Variants in APP observed in about 807,000 individuals in gnomAD.
APP encodes the protein amyloid-beta precursor protein.
APP carries 31 observed loss-of-function variants against 101.4 expected under a neutral mutation model. That is an observed-to-expected ratio of 0.31 (90% CI 0.23 to 0.41). APP has a LOEUF of 0.41. APP is among the 10% of genes least tolerant of loss of function. The pLI, the probability that APP is intolerant of heterozygous loss-of-function variation, is 1.00. For synonymous variants in APP, 366 were observed against 364.4 expected (o/e 1.00, Z -0.05); for missense variants, 839 against 1,003.7 (o/e 0.84, Z 2.22).
intron 16 of APP, among the ~76,000 whole-genome samples, chr21:25,896,707 G>T (rs985095968): frequency 6.6e-6 from 1 of 152,094 alleles, no homozygotes; most frequent in African/African-American, 2.4e-5. Context: ...TCTAACATTA[G>T]GGGGGAAAAG....
At chr21:25,957,184 A>C (rs573766948) in intron 11 of APP, among the ~76,000 whole-genome samples, 1 of 152,350 alleles carries the variant, frequency 6.6e-6, no homozygotes, top group Admixed American at 6.5e-5. Flanking sequence ...CAGCCATCAC[A>C]GCTTGCAACA....
At chr21:26,038,703 G>T (rs1212804321) in intron 5 of APP, among the ~76,000 whole-genome samples, 3 of 152,142 alleles carry the variant, frequency 2.0e-5, no homozygotes, top group African/African-American at 7.2e-5. Context: ...GACGGAGGTT[G>T]CAGTGAGCCG....
intron 3 of APP, among the ~76,000 whole-genome samples, chr21:26,085,733 G>T (rs1397660936): frequency 6.6e-6 from 1 of 152,136 alleles, no homozygotes; most frequent in African/African-American, 2.4e-5. Flanking sequence ...TGCTAAAGAA[G>T]ATAGCTGTAG....
intron 6 of APP, among the ~76,000 whole-genome samples, chr21:26,017,343 T>G (rs1253189621): frequency 6.6e-6 from 1 of 150,766 alleles, no homozygotes; most frequent in Non-Finnish European, 1.5e-5. Flanking sequence ...TCCCGGCTAC[T>G]TGGGAGGCTG....
Position 25,911,777 on chromosome 21 carries a change from C to A in APP, c.1873G>T (p.Gly625Trp). The A allele has an allele frequency of 6.2e-7, 1 of 1,614,118 alleles. No homozygotes were observed. Among genetic ancestry groups the A allele is most frequent in the Non-Finnish European group, 8.5e-7 (1 of 1,180,022 alleles). Residue 625 changes from glycine to tryptophan, a missense_variant, in exon 14 of 18, where the codon GGG (glycine) becomes TGG (tryptophan). Gly to Trp is a radical substitution (Grantham distance 184). Coordinates refer to ENST00000346798, the MANE Select transcript of APP (RefSeq NM_000484.4). ...LDDLQPWHSF[G>W]ADSVPANTEN... is the part of the protein sequence containing the mutation. Reference sequence around the variant, plus strand: ...GTGTTGGCTGGCACAGAGTCAGCCCCAAAAGAATGCCACGGCTGGAGATCG... The same window carrying A: ...GTGTTGGCTGGCACAGAGTCAGCCCAAAAAGAATGCCACGGCTGGAGATCG...
At chr21:26,052,170 A>G (rs1427602014) in intron 4 of APP, among the ~76,000 whole-genome samples, 1 of 152,200 alleles carries the variant, frequency 6.6e-6, no homozygotes, top group Non-Finnish European at 1.5e-5. Flanking sequence ...CTATGATACA[A>G]TGGTTAAGCT....
At chr21:25,914,576 C>T (rs1311095015) in intron 13 of APP, among the ~76,000 whole-genome samples, 59 of 112,748 alleles carry the variant, frequency 5.2e-4, no homozygotes, top group Admixed American at 1.2e-3. Flanking sequence ...TTTTTTGAGA[C>T]GGAGTCTTGC....
At chr21:26,136,197 G>GAAAGAAAGAAAGAAAGA (rs1569018971) in intron 1 of APP, among the ~76,000 whole-genome samples, 1 of 124,160 alleles carries the variant, frequency 8.1e-6, no homozygotes, top group African/African-American at 2.9e-5. Context: ...AAGAAAGAAA[G>GAAAGAAAGAAAGAAAGA]AAAGAAAAGA....
chr21:25,962,565 A>C (rs1415746448), intron 11 of APP, among the ~76,000 whole-genome samples: 1 of 152,210 alleles, frequency 6.6e-6, no homozygotes, highest in Non-Finnish European at 1.5e-5. Context: ...ATTTTCACCG[A>C]AATACTGACA....
chr21:26,048,336 G>A (rs1340049633), intron 5 of APP, among the ~76,000 whole-genome samples: 3 of 151,616 alleles, frequency 2.0e-5, no homozygotes, highest in Admixed American at 6.6e-5. Context: ...AAAAGAAAAC[G>A]AAAAAGTATG....
At chr21:26,022,667 A>G (rs1234267800) in intron 5 of APP, among the ~76,000 whole-genome samples, 1 of 152,174 alleles carries the variant, frequency 6.6e-6, no homozygotes, top group African/African-American at 2.4e-5. Flanking sequence ...AATGTAGTCC[A>G]TTATAAAAAG....
At chr21:26,126,119 A>C (rs1322318219) in intron 1 of APP, among the ~76,000 whole-genome samples, 3 of 152,266 alleles carry the variant, frequency 2.0e-5, no homozygotes, top group Non-Finnish European at 4.4e-5. Flanking sequence ...GTATTTACAT[A>C]AGCACAAAAA....
intron 13 of APP, among the ~76,000 whole-genome samples, chr21:25,926,666 C>T (rs560256067): frequency 3.9e-5 from 6 of 152,300 alleles, no homozygotes; most frequent in African/African-American, 1.4e-4. Context: ...ATTCCTAATG[C>T]AACCTTCTCA....
chr21:26,090,929 G>C (rs2146115645), intron 2 of APP, among the ~76,000 whole-genome samples: 1 of 152,276 alleles, frequency 6.6e-6, no homozygotes, highest in Admixed American at 6.5e-5. Flanking sequence ...CCCTTGCTTT[G>C]ATTACTGTTG....
intron 2 of APP, among the ~76,000 whole-genome samples, chr21:26,101,095 CTTTTTTTT>C (rs35407047): frequency 2.4e-4 from 19 of 79,356 alleles, no homozygotes; most frequent in East Asian, 8.8e-4. Flanking sequence ...TTTTTTTTTC[CTTTTTTTT>C]TTTTTTTTTT....
chr21:25,975,725 G>A lies in APP; in HGVS notation c.1299+229C>T, dbSNP rs151039390. ...ATTATTAATAAAAAGTAGATTGCAA[G>A]TTACAATGTGAGTTTTATGGCAATG... is the stretch of plus-strand genomic sequence containing the variant. On this transcript the variant is annotated intron_variant, in intron 10 of 17. Coordinates refer to ENST00000346798, the MANE Select transcript of APP (RefSeq NM_000484.4). Among the ~76,000 whole-genome samples, 1,597 of 152,302 alleles carry A rather than the reference G, an allele frequency of 0.01. 16 individuals are homozygous for A. The highest frequency in any genetic ancestry group is 0.016 in the Non-Finnish European group (1,121 of 68,010).
Position 25,881,780 on chromosome 21 carries a change from C to G in APP, c.2212-9G>C, listed in dbSNP as rs1568998391. On this transcript the variant is annotated splice_polypyrimidine_tract_variant and intron_variant, in intron 17 of 17. Coordinates refer to ENST00000346798, the MANE Select transcript of APP (RefSeq NM_000484.4). ...GTGACAGCGGCGTCAACCTGAAAAACAAGAGGAGAGCTGAGTAAAAAATAA... is the reference window on the plus strand; with the variant it reads ...GTGACAGCGGCGTCAACCTGAAAAAGAAGAGGAGAGCTGAGTAAAAAATAA... 15 of 1,612,302 alleles carry G rather than the reference C, an allele frequency of 9.3e-6. No individual in the cohort carries two copies. Among genetic ancestry groups the G allele is most frequent in the Non-Finnish European group, 1.2e-5 (14 of 1,179,494 alleles).
intron 13 of APP, among the ~76,000 whole-genome samples, chr21:25,939,994 G>T (rs896659465): frequency 6.6e-6 from 1 of 152,108 alleles, no homozygotes; most frequent in East Asian, 1.9e-4. Context: ...TATCTTGGAA[G>T]AAGAAAGCGG....
chr21:25,909,260 C>G (rs556829457), intron 14 of APP, among the ~76,000 whole-genome samples: 1 of 138,112 alleles, frequency 7.2e-6, no homozygotes, highest in Admixed American at 7.3e-5. Context: ...GAGCGAGACT[C>G]CGTCTCAAAA....
Sources: gnomAD v4.1 joint callset for allele counts (sites outside exome capture counted in the v4.1 genomes callset) on GRCh38, gnomAD v4.1.1 for gene constraint, MANE v1.5 for transcripts, NCBI Gene and HGNC (gene_info 2026-07-23, HGNC 2026-07-21) for gene names.